XRCC4: variants seen among roughly 807,000 people sequenced by gnomAD.
XRCC4 encodes DNA repair protein XRCC4.
A neutral mutation model predicts 39.1 loss-of-function variants in XRCC4; 28 were observed. The ratio of observed to expected loss-of-function variants is 0.72; its 90% CI spans 0.53 to 0.98. The LOEUF is 0.98. Ranked by LOEUF, XRCC4 falls within the 50% of genes least tolerant of loss-of-function variation. XRCC4 has a pLI of 0.00. For synonymous variants in XRCC4, 123 were observed against 126.4 expected, an observed-to-expected ratio of 0.97 and a Z score of 0.18; for missense variants, 350 against 376.4, an observed-to-expected ratio of 0.93 and a Z score of 0.58.
intron 1 of XRCC4, among the ~76,000 whole-genome samples, chr5:83,097,266 G>A (rs12520200): frequency 6.6e-6 from 1 of 151,828 alleles, no homozygotes; most frequent in South Asian, 2.1e-4. Flanking sequence ...ATTTTTATAG[G>A]TTAAAAATTG....
chr5:83,147,675 G>C (rs1000245004), intron 3 of XRCC4, among the ~76,000 whole-genome samples: 1 of 97,230 alleles, frequency 1.0e-5, no homozygotes, highest in Non-Finnish European at 2.0e-5. Flanking sequence ...CTGTATTCTT[G>C]AAAATCACTA....
intron 6 of XRCC4, among the ~76,000 whole-genome samples, chr5:83,224,890 A>T (rs576221509): frequency 6.6e-6 from 1 of 152,304 alleles, no homozygotes; most frequent in East Asian, 1.9e-4. Flanking sequence ...TGCCACTTCT[A>T]TGAGCATCTT....
chr5:83,343,403 G>T (rs28360333), intron 7 of XRCC4, among the ~76,000 whole-genome samples: 18 of 152,144 alleles, frequency 1.2e-4, no homozygotes, highest in African/African-American at 4.3e-4. Flanking sequence ...AGAAAACATC[G>T]CCTGTTCTTC....
chr5:83,351,951 T>G (rs1319742382), intron 7 of XRCC4, among the ~76,000 whole-genome samples: 2 of 152,192 alleles, frequency 1.3e-5, no homozygotes, highest in African/African-American at 4.8e-5. Flanking sequence ...TCTTACATAG[T>G]TTATGGGGTA....
intron 6 of XRCC4, among the ~76,000 whole-genome samples, chr5:83,218,929 T>C (rs917300844): frequency 7.0e-6 from 1 of 142,758 alleles, no homozygotes; most frequent in Non-Finnish European, 1.5e-5. Context: ...CCAGGGCTGC[T>C]GCTGTAACAA....
Position 83,195,976 on chromosome 5 carries a change from C to T in XRCC4, c.482+40C>T, listed in dbSNP as rs761199907. Reference sequence around the variant, plus strand: ...TGCTTGTGGTATAAAAATACGGAGCCCTCTTTATGTTGTTATAGCTTTAAG... The same window carrying T: ...TGCTTGTGGTATAAAAATACGGAGCTCTCTTTATGTTGTTATAGCTTTAAG... On this transcript the variant is annotated intron_variant, in intron 4 of 7. Coordinates refer to ENST00000396027, the MANE Select transcript of XRCC4 (RefSeq NM_003401.5). 7 of 1,516,032 alleles carry T rather than the reference C, an allele frequency of 4.6e-6. No individual in the cohort carries two copies. The Middle Eastern group carries it at 7.1e-4, about 153-fold the overall frequency. The allele number at this position is 1,516,032 out of a possible 1,614,324, so 93.9% of individuals were successfully genotyped here.
In XRCC4 at chr5:83,333,785, T is replaced by G. The variant is rs552382235; in HGVS notation, c.894-19346T>G. ...AGATTTAAACCTTTTTTTTTTTTTT[T>G]GGGAGATAGAGTCTTGCTCTGTCGC... On this transcript the variant is annotated intron_variant, in intron 7 of 7. Transcript: ENST00000396027. 6.8e-3 allele frequency among the ~76,000 whole-genome samples: 1,026 copies of G among 151,096 alleles called. 9 individuals carry two copies. Among genetic ancestry groups the G allele is most frequent in the African/African-American group, 0.023 (951 of 40,908 alleles).
chr5:83,351,150 C>A (rs530635691), intron 7 of XRCC4, among the ~76,000 whole-genome samples: 72 of 152,274 alleles, frequency 4.7e-4, no homozygotes, highest in Non-Finnish European at 1.5e-5. Context: ...CCGCTTCCTC[C>A]TTCTCCGGCC....
chr5:83,361,713 C>G, the XRCC4 span, among the ~76,000 whole-genome samples: 1 of 151,406 alleles, frequency 6.6e-6, no homozygotes, highest in Non-Finnish European at 1.5e-5. Flanking sequence ...ACCTCTGTCT[C>G]CTGGTTCAAG....
chr5:83,138,102 C>CT (rs753885356), intron 3 of XRCC4, among the ~76,000 whole-genome samples: 1 of 152,070 alleles, frequency 6.6e-6, no homozygotes, highest in Non-Finnish European at 1.5e-5. Context: ...GTGGACTGTG[C>CT]TTGTAAACTG....
chr5:83,217,358 C>CAAAAAAAAACAAAAAAAAAAAAAAA (rs1751901428), intron 6 of XRCC4, among the ~76,000 whole-genome samples: 1 of 96,174 alleles, frequency 1.0e-5, no homozygotes, highest in African/African-American at 4.7e-5. Flanking sequence ...GACTCCGTCT[C>CAAAAAAAAACAAAAAAAAAAAAAAA]AAAAAAAAAA....
At chr5:83,323,047 G>A (rs1050539988) in intron 7 of XRCC4, among the ~76,000 whole-genome samples, 3 of 152,062 alleles carry the variant, frequency 2.0e-5, no homozygotes, top group Non-Finnish European at 4.4e-5. Context: ...ATGTGGGAGC[G>A]GATGGGGAGC....
intron 7 of XRCC4, among the ~76,000 whole-genome samples, chr5:83,340,401 A>G (rs1756719760): frequency 6.6e-6 from 1 of 152,192 alleles, no homozygotes; most frequent in Non-Finnish European, 1.5e-5. Context: ...GTTGAAAATC[A>G]GCAGACCTTA....
At chr5:83,256,393 A>G (rs1753538692) in intron 6 of XRCC4, among the ~76,000 whole-genome samples, 1 of 152,166 alleles carries the variant, frequency 6.6e-6, no homozygotes, top group South Asian at 2.1e-4. Flanking sequence ...GAATGGCAGA[A>G]ATTTTCACTA....
chr5:83,201,247 G>A (rs1483211244), intron 4 of XRCC4: 2 of 152,254 alleles, frequency 1.3e-5, no homozygotes. Flanking sequence ...CAGCAGGAAT[G>A]GCATAATCCT....
chr5:83,280,283 A>G (rs1754490369), intron 7 of XRCC4: 3 of 385,494 alleles, frequency 7.8e-6, no homozygotes, highest in Admixed American at 7.4e-5. Context: ...GATGTCTTTG[A>G]TACTACATTT....
chr5:83,081,677 C>A, intron 1 of XRCC4, among the ~76,000 whole-genome samples: 1 of 152,126 alleles, frequency 6.6e-6, no homozygotes, highest in East Asian at 1.9e-4. Flanking sequence ...AGAAGTTTCA[C>A]CAAAAAAGAC....
At chr5:83,177,989 T>C (rs1035536024) in intron 3 of XRCC4, among the ~76,000 whole-genome samples, 1 of 152,128 alleles carries the variant, frequency 6.6e-6, no homozygotes, top group Non-Finnish European at 1.5e-5. Context: ...GGATTGGAAC[T>C]AAGATAGCTG....
At chr5:83,312,772 AGTTG>A (rs756861219) in intron 7 of XRCC4, among the ~76,000 whole-genome samples, 53 of 152,118 alleles carry the variant, frequency 3.5e-4, no homozygotes, top group Admixed American at 7.2e-4. Context: ...GTGTGATTAT[AGTTG>A]GTTGGTACAG....
Sources: allele counts gnomAD v4.1 joint callset (sites outside exome capture counted in the v4.1 genomes callset), GRCh38; gene constraint gnomAD v4.1.1; transcripts MANE v1.5; gene names NCBI Gene and HGNC (gene_info 2026-07-23, HGNC 2026-07-21).